MYRFL: variants seen among roughly 807,000 people sequenced by gnomAD.
MYRFL encodes the protein myelin regulatory factor-like protein.
Under a neutral mutation model 109.4 loss-of-function variants are expected in MYRFL, and 88 were observed. That is an observed-to-expected ratio of 0.80 (90% CI 0.68 to 0.96). MYRFL has a LOEUF of 0.96. Among genes scored for constraint, MYRFL ranks in the 40% least tolerant of loss-of-function variants. The pLI is 0.00. For missense variants in MYRFL, 957 were observed against 954.9 expected (o/e 1.00, Z -0.03); for synonymous variants, 324 against 320.9 (o/e 1.01, Z -0.10).
chr12:69,850,715 G>A (rs1253288367), intron 1 of MYRFL, among the ~76,000 whole-genome samples: 1 of 151,834 alleles, frequency 6.6e-6, no homozygotes, highest in African/African-American at 2.4e-5. Context: ...TTTCCATTTT[G>A]ATCTGTAGCC....
chr12:69,877,997 T>C (rs76877419), intron 2 of MYRFL, among the ~76,000 whole-genome samples: 7,562 of 152,160 alleles, frequency 0.05, 182 homozygotes, highest in South Asian at 0.075. Context: ...AATCCCTACA[T>C]TTTGGGAGGC....
intron 5 of MYRFL, among the ~76,000 whole-genome samples, chr12:69,884,868 A>T (rs1454110532): frequency 6.6e-6 from 1 of 152,200 alleles, no homozygotes; most frequent in Admixed American, 6.5e-5. Flanking sequence ...GGAAGGTAAC[A>T]TGATTACTCC....
At chr12:69,924,937 G>T (rs1318392512) in intron 13 of MYRFL, among the ~76,000 whole-genome samples, 2 of 152,146 alleles carry the variant, frequency 1.3e-5, no homozygotes, top group East Asian at 3.8e-4. Flanking sequence ...TTCTTACTGA[G>T]CATTTCCAGT....
At position 69,871,681 on chromosome 12, in the gene MYRFL, C is replaced by T. The variant is rs78232439; in HGVS notation, c.138-7347C>T. ...ACATTCACTTCTACACTCAGCTTCC[C>T]AATATCATAAAATTGTCTAAAATTT... On this transcript the variant is annotated intron_variant, in intron 2 of 24. Transcript: ENST00000552032. Among the ~76,000 whole-genome samples the T allele has an allele frequency of 6.5e-3, 982 of 152,240 alleles. 9 individuals are homozygous for T. Among genetic ancestry groups the T allele is most frequent in the African/African-American group, 0.022 (931 of 41,548 alleles).
chr12:69,880,428 G>A (rs1337442710), intron 5 of MYRFL, 136 bp downstream of exon 5: 3 of 573,428 alleles, frequency 5.2e-6, no homozygotes, highest in Non-Finnish European at 9.3e-6. Context: ...CTGGTAGTTT[G>A]GTTCTTCCCT....
intron 9 of MYRFL, among the ~76,000 whole-genome samples, chr12:69,896,805 G>C (rs920558110): frequency 2.6e-5 from 4 of 152,242 alleles, no homozygotes; most frequent in African/African-American, 9.6e-5. Flanking sequence ...TGAGGGCTCA[G>C]GACTGCAGCG....
At chr12:69,881,804 G>T (rs939581534) in intron 5 of MYRFL, among the ~76,000 whole-genome samples, 1 of 152,120 alleles carries the variant, frequency 6.6e-6, no homozygotes, top group South Asian at 2.1e-4. Flanking sequence ...CCCATTTGTG[G>T]ATAAGTTAGA....
chr12:69,839,490 A>G (rs1883126808), intron 1 of MYRFL, among the ~76,000 whole-genome samples: 2 of 152,166 alleles, frequency 1.3e-5, no homozygotes, highest in Non-Finnish European at 2.9e-5. Flanking sequence ...CTTCAACTCT[A>G]CATTCTTCTG....
At chr12:69,835,762 G>A (rs1159608004) in intron 1 of MYRFL, among the ~76,000 whole-genome samples, 1 of 152,168 alleles carries the variant, frequency 6.6e-6, no homozygotes, top group Non-Finnish European at 1.5e-5. Context: ...GTGTGACAGG[G>A]GCAGTGGCTC....
At chr12:69,897,109 G>C in intron 9 of MYRFL, 47 bp from the exon 10 acceptor site, 1 of 1,263,698 alleles carries the variant, frequency 7.9e-7, no homozygotes, top group Non-Finnish European at 1.1e-6. Context: ...TACAAATTGT[G>C]TCTCCATTCC....
intron 7 of MYRFL, among the ~76,000 whole-genome samples, chr12:69,891,635 CTT>C (rs61590415): frequency 0.011 from 136 of 12,404 alleles, 4 homozygotes; most frequent in African/African-American, 0.031. Context: ...TCCTTCCTTT[CTT>C]TTTCTTTCTT....
At chr12:69,857,244 A>T (rs1453582870) in intron 2 of MYRFL, among the ~76,000 whole-genome samples, 1 of 151,846 alleles carries the variant, frequency 6.6e-6, no homozygotes, top group Non-Finnish European at 1.5e-5. Context: ...CATTTTGCCA[A>T]CACAACATTA....
chr12:69,895,518 G>C, intron 9 of MYRFL, 37 bp downstream of exon 9: 2 of 1,509,590 alleles, frequency 1.3e-6, no homozygotes, highest in Non-Finnish European at 1.8e-6. Context: ...GTGTGGCTGG[G>C]TACTTTATCT....
chr12:69,908,359 A>G, intron 11 of MYRFL, among the ~76,000 whole-genome samples: 1 of 152,242 alleles, frequency 6.6e-6, no homozygotes, highest in East Asian at 1.9e-4. Context: ...CTATGAGCAC[A>G]TAAAGCAGAG....
At chr12:69,932,865 G>GTGTGTGTGTGTT (rs1280384535) in intron 16 of MYRFL, among the ~76,000 whole-genome samples, 1 of 149,992 alleles carries the variant, frequency 6.7e-6, no homozygotes, top group East Asian at 1.9e-4. Context: ...TGCCTTTCGT[G>GTGTGTGTGTGTT]TGTGTGTGTG....
At chr12:69,853,133 A>T (rs1883993644) in intron 1 of MYRFL, among the ~76,000 whole-genome samples, 1 of 152,138 alleles carries the variant, frequency 6.6e-6, no homozygotes, top group Non-Finnish European at 1.5e-5. Flanking sequence ...GGCTGGGCAG[A>T]GGGGCTCCTC....
rs749993102 is a variant in MYRFL at position 69,879,444 on chromosome 12, A to G, written c.455A>G (p.His152Arg). 1.2e-4 allele frequency: 87 copies of G among 702,358 alleles called. No individual in the cohort carries two copies. The highest frequency in any genetic ancestry group is 2.1e-4 in the Non-Finnish European group (80 of 384,560). The allele number at this position is 702,358 out of a possible 1,614,324, so 43.5% of individuals were successfully genotyped here. The change falls in exon 4 of 25, where the codon CAC becomes CGC. Residue 152 changes from histidine (H) to arginine (R), a missense_variant. Physicochemically the swap from His to Arg is conservative, Grantham distance 29. Coordinates refer to ENST00000552032, the MANE Select transcript of MYRFL (RefSeq NM_182530.3). ...GCSYPQQPLC[H>R]SPGASLPPTK... Reference sequence around the variant, plus strand: ...TCTTACCCTCAGCAGCCTCTGTGTCACAGCCCTGGGTAAAGAAAAAGATAT... The same window carrying G: ...TCTTACCCTCAGCAGCCTCTGTGTCGCAGCCCTGGGTAAAGAAAAAGATAT...
At chr12:69,902,055 G>T (rs1954212115) in intron 10 of MYRFL, among the ~76,000 whole-genome samples, 1 of 151,894 alleles carries the variant, frequency 6.6e-6, no homozygotes, top group Non-Finnish European at 1.5e-5. Context: ...CACCACACAT[G>T]GCTAATTTTT....
chr12:69,933,742 A>G (rs1955348540), intron 16 of MYRFL, among the ~76,000 whole-genome samples: 1 of 152,168 alleles, frequency 6.6e-6, no homozygotes, highest in African/African-American at 2.4e-5. Flanking sequence ...TTCCCAACTC[A>G]GGAGAGTGTG....
Sources: gnomAD v4.1 joint callset for allele counts (sites outside exome capture counted in the v4.1 genomes callset) on GRCh38, gnomAD v4.1.1 for gene constraint, MANE v1.5 for transcripts, NCBI Gene and HGNC (gene_info 2026-07-23, HGNC 2026-07-21) for gene names.